CFAP44: variants seen among roughly 807,000 people sequenced by gnomAD.
The protein encoded by CFAP44 is cilia and flagella associated protein 44, also known as cilia- and flagella-associated protein 44.
Under a neutral mutation model 216.2 loss-of-function variants are expected in CFAP44, and 134 were observed. That is an observed-to-expected ratio of 0.62 (90% CI 0.54 to 0.72). CFAP44 has a LOEUF of 0.72. CFAP44 is among the 30% of genes least tolerant of loss of function. CFAP44 has a pLI of 0.00. For missense variants in CFAP44, 2,035 were observed against 2,182.1 expected, an observed-to-expected ratio of 0.93 and a Z score of 1.34; for synonymous variants, 700 against 727.6, an observed-to-expected ratio of 0.96 and a Z score of 0.61.
Position 113,294,549 on chromosome 3 carries a change from C to T in CFAP44, c.5373+138G>A, listed in dbSNP as rs1338154615. Reference sequence around the variant, plus strand: ...GTGGCTAACACCAACTCAGTGTCCTCGGGGACGCAGATGGTCTGGAAGTGG... The same window carrying T: ...GTGGCTAACACCAACTCAGTGTCCTTGGGGACGCAGATGGTCTGGAAGTGG... On this transcript the variant is annotated intron_variant, in intron 34 of 34. Transcript: ENST00000393845. 21 of 1,145,850 alleles carry T rather than the reference C, an allele frequency of 1.8e-5. 1 individual carries two copies. Among genetic ancestry groups the T allele is most frequent in the South Asian group, 5.5e-5 (3 of 54,078 alleles). 71.0% of individuals were successfully genotyped at this position (1,145,850 alleles called of 1,614,324 possible). A position where few individuals can be genotyped will look rare whatever the true frequency, so the allele number is the denominator to read the frequency against.
At chr3:113,407,161 T>C (rs1252940129) in intron 7 of CFAP44, 120 bp from the exon 8 acceptor site, 12 of 728,184 alleles carry the variant, frequency 1.6e-5, no homozygotes, top group Non-Finnish European at 2.0e-5. Flanking sequence ...TTCATTCATT[T>C]ATCTGATTAA....
intron 28 of CFAP44, among the ~76,000 whole-genome samples, chr3:113,312,598 G>C (rs1024041988): frequency 6.6e-6 from 1 of 152,154 alleles, no homozygotes; most frequent in African/African-American, 2.4e-5. Context: ...GCATGTCGGA[G>C]GCCTTCACAC....
At position 113,288,844 on chromosome 3, in the gene CFAP44, T is replaced by C. The variant is rs930687585; in HGVS notation, c.*2713A>G. ...CATGAGCAACTCCTTTACTCTGAAG[T>C]TGTGACAGAGGGGCTGGACTCTGTG... is the stretch of plus-strand genomic sequence containing the variant. On this transcript the variant is annotated 3_prime_UTR_variant, in exon 35 of 35. Coordinates refer to ENST00000393845, the MANE Select transcript of CFAP44 (RefSeq NM_001164496.2). The C allele has an allele frequency of 1.3e-5, 2 of 152,250 alleles. No individual in the cohort carries two copies. Among genetic ancestry groups the C allele is most frequent in the African/African-American group, 4.8e-5 (2 of 41,434 alleles). 9.4% of individuals were successfully genotyped at this position (152,250 alleles called of 1,614,324 possible).
chr3:113,352,178 A>G (rs1422439289), intron 22 of CFAP44, among the ~76,000 whole-genome samples: 1 of 152,176 alleles, frequency 6.6e-6, no homozygotes, highest in African/African-American at 2.4e-5. Context: ...GTCTAGCTAA[A>G]AGATTGTAAA....
At chr3:113,407,809 A>C (rs1384376761) in intron 7 of CFAP44, among the ~76,000 whole-genome samples, 1 of 152,232 alleles carries the variant, frequency 6.6e-6, no homozygotes, top group Non-Finnish European at 1.5e-5. Context: ...AGCCAATGAT[A>C]CAAAGCTAAA....
chr3:113,295,275 C>T (rs1576533107), intron 33 of CFAP44, among the ~76,000 whole-genome samples: 1 of 152,280 alleles, frequency 6.6e-6, no homozygotes, highest in African/African-American at 2.4e-5. Context: ...ATCGGTTGCT[C>T]ACTGCAACCT....
At position 113,327,771 on chromosome 3, in the gene CFAP44, G is replaced by A. The variant is rs985055399; in HGVS notation, c.4165C>T (p.His1389Tyr). The change falls in exon 27 of 35, where the codon CAT (histidine) becomes TAT (tyrosine). Residue 1389 changes from histidine (H) to tyrosine (Y), a missense_variant. Transcript: ENST00000393845. Reference sequence around the variant, plus strand: ...TGAGTATCTAGTTTTAGTTTCTGATGTCTAAGGAGACGGAGTTCTGCATCG... The same window carrying A: ...TGAGTATCTAGTTTTAGTTTCTGATATCTAAGGAGACGGAGTTCTGCATCG... ...TFDAELRLLR[H>Y]QKLKLDTQMK... The A allele has an allele frequency of 6.5e-7, 1 of 1,536,986 alleles. No individual in the cohort carries two copies. The highest frequency in any genetic ancestry group is 1.4e-5 in the African/African-American group (1 of 73,146).
At chr3:113,370,029 G>A (rs1164279147) in intron 18 of CFAP44, among the ~76,000 whole-genome samples, 2 of 152,162 alleles carry the variant, frequency 1.3e-5, no homozygotes, top group Non-Finnish European at 2.9e-5. Flanking sequence ...GACTAAACCA[G>A]GAAGAAGTTG....
chr3:113,350,103 T>C (rs1576562651), intron 22 of CFAP44, among the ~76,000 whole-genome samples: 1 of 150,648 alleles, frequency 6.6e-6, no homozygotes, highest in Non-Finnish European at 1.5e-5. Flanking sequence ...GCCGAAGCCA[T>C]GAAAAGGGGA....
Position 113,420,556 on chromosome 3 carries a change from A to C in CFAP44, c.408-377T>G, listed in dbSNP as rs1934787366. ...AGGCAGCAAAACTGTCACCTAAATA[A>C]TTTTATTTTCCTCTCTCCCACTAAA... is the stretch of plus-strand genomic sequence containing the variant. On this transcript the variant is annotated intron_variant, in intron 4 of 34. Coordinates refer to ENST00000393845, the MANE Select transcript of CFAP44 (RefSeq NM_001164496.2). Among the ~76,000 whole-genome samples the C allele has an allele frequency of 3.3e-5, 5 of 152,330 alleles. No homozygotes were observed. In the South Asian group the frequency reaches 1.0e-3, roughly 32 times the overall value.
At chr3:113,390,622 G>T (rs1469535196) in intron 15 of CFAP44, among the ~76,000 whole-genome samples, 1 of 151,948 alleles carries the variant, frequency 6.6e-6, no homozygotes, top group African/African-American at 2.4e-5. Flanking sequence ...AAAACTATTA[G>T]AACTGGTAAA....
At chr3:113,339,266 A>G (rs1418504035) in intron 24 of CFAP44, among the ~76,000 whole-genome samples, 1 of 152,168 alleles carries the variant, frequency 6.6e-6, no homozygotes, top group African/African-American at 2.4e-5. Context: ...GGTTCAGGAT[A>G]CACTCCAGCT....
In CFAP44 at chr3:113,409,285, G is replaced by C. The variant is rs1363873407; in HGVS notation, c.711C>G (p.Asn237Lys). ...TEKGYAYVDF[N>K]YSGNLLASVG... ...CAGAGGCCAGCAAGTTACCGCTGTA[G>C]TTAAAGTCCACATAAGCATATCCCT... The change falls in exon 7 of 35, where the codon AAC (asparagine) becomes AAG (lysine). Residue 237 changes from asparagine (N) to lysine (K), a missense_variant. Physicochemically the swap from Asn to Lys is moderately conservative, Grantham distance 94. Transcript: ENST00000393845. 6.2e-7 allele frequency: 1 copy of C among 1,614,006 alleles called. No individual in the cohort carries two copies.
At chr3:113,397,547 T>C (rs1010135851) in intron 13 of CFAP44, among the ~76,000 whole-genome samples, 2 of 152,078 alleles carry the variant, frequency 1.3e-5, no homozygotes, top group African/African-American at 2.4e-5. Flanking sequence ...GTATGGAAAA[T>C]AGATATGAGG....
At chr3:113,375,711 C>T (rs1933322859) in intron 17 of CFAP44, among the ~76,000 whole-genome samples, 1 of 152,158 alleles carries the variant, frequency 6.6e-6, no homozygotes, top group Non-Finnish European at 1.5e-5. Flanking sequence ...ATCTCAGCTA[C>T]TCGGGAAGCT....
rs1159062693 is a variant in CFAP44 at position 113,426,117 on chromosome 3, T to C, written c.407+7A>G. On this transcript the variant is annotated splice_region_variant and intron_variant, in intron 4 of 34. Coordinates refer to ENST00000393845, the MANE Select transcript of CFAP44 (RefSeq NM_001164496.2). ...CAAAATTATACATATTTAGCCAGGGTGGATACACAAGTGTGAGAAGATCCA... is the reference window on the plus strand; with the variant it reads ...CAAAATTATACATATTTAGCCAGGGCGGATACACAAGTGTGAGAAGATCCA... 22 of 1,612,998 alleles carry C rather than the reference T, an allele frequency of 1.4e-5. No homozygotes were observed. Among genetic ancestry groups the C allele is most frequent in the Non-Finnish European group, 1.8e-5 (21 of 1,179,528 alleles).
chr3:113,355,477 G>A (rs766065322), intron 22 of CFAP44, among the ~76,000 whole-genome samples: 27 of 152,226 alleles, frequency 1.8e-4, no homozygotes, highest in Admixed American at 5.9e-4. Flanking sequence ...CCGTGATCAC[G>A]CCACTACACT....
chr3:113,349,496 A>C (rs576055658), intron 22 of CFAP44, among the ~76,000 whole-genome samples: 37 of 152,340 alleles, frequency 2.4e-4, no homozygotes, highest in Non-Finnish European at 5.3e-4. Context: ...GAGGACAGAA[A>C]ATGGAGCAGG....
Position 113,373,571 on chromosome 3 carries a change from A to G in CFAP44, c.2299-15T>C. On this transcript the variant is annotated splice_polypyrimidine_tract_variant and intron_variant, in intron 17 of 34. Transcript: ENST00000393845. ...TCATAGCCACCCTAGAAAAGAGATAAGTAACATAGAAGGTGGTACTTGAAT... is the reference window on the plus strand; with the variant it reads ...TCATAGCCACCCTAGAAAAGAGATAGGTAACATAGAAGGTGGTACTTGAAT... The G allele has an allele frequency of 2.6e-6, 4 of 1,559,902 alleles. No homozygotes were observed. The highest frequency in any genetic ancestry group is 3.5e-6 in the Non-Finnish European group (4 of 1,152,372).
Sources: allele counts gnomAD v4.1 joint callset (sites outside exome capture counted in the v4.1 genomes callset), GRCh38; gene constraint gnomAD v4.1.1; transcripts MANE v1.5; gene names NCBI Gene and HGNC (gene_info 2026-07-23, HGNC 2026-07-21).